Variants in CLSTN3 observed in about 807,000 individuals in gnomAD.
CLSTN3 encodes the protein calsyntenin 3.
A neutral mutation model predicts 95.9 loss-of-function variants in CLSTN3; 36 were observed. The observed-to-expected ratio is 0.38, with a 90% CI of 0.29 to 0.50. The LOEUF is 0.50. Ranked by LOEUF, CLSTN3 falls within the 20% of genes least tolerant of loss-of-function variation. The pLI is 0.95. For missense variants in CLSTN3, 1,084 were observed against 1,268.8 expected (o/e 0.85, Z 2.21); for synonymous variants, 481 against 504.0 (o/e 0.95, Z 0.61).
rs1440037081 is a variant in CLSTN3, at chr12:7,137,307, A to C, written c.1210+197A>C. The C allele has an allele frequency of 1.7e-6, 1 of 599,880 alleles. No homozygotes were observed. Among genetic ancestry groups the C allele is most frequent in the Non-Finnish European group, 2.9e-6 (1 of 343,734 alleles). 37.2% of individuals were successfully genotyped at this position (599,880 alleles called of 1,614,324 possible). Reference sequence around the variant, plus strand: ...TTGGATCGTACTGCTGTCAGAGTGCAATGGGATTCCTTGCTGCTACTCTTG... The same window carrying C: ...TTGGATCGTACTGCTGTCAGAGTGCCATGGGATTCCTTGCTGCTACTCTTG... On this transcript the variant is annotated intron_variant, in intron 7 of 17. Coordinates refer to ENST00000266546, the MANE Select transcript of CLSTN3 (RefSeq NM_014718.4). The surrounding 1 kb of genome is among the most constrained non-coding windows in gnomAD (Gnocchi z 4.4).
At chr12:7,152,039 G>A (rs1229318475) in intron 16 of CLSTN3, among the ~76,000 whole-genome samples, 1 of 144,258 alleles carries the variant, frequency 6.9e-6, no homozygotes, top group African/African-American at 2.6e-5. Context: ...GGGAGACAGA[G>A]CAAGGCTCTG....
Position 7,158,227 on chromosome 12 carries a change from C to CGGACTCCAGA in CLSTN3, c.*148_*149insACTCCAGAGG. ...TCCTCCTTTCATTTCAAAACCCCAG[C>CGGACTCCAGA]GGGCCCTCTGGAGTCCGCCCTGCCC... On this transcript the variant is annotated 3_prime_UTR_variant, in exon 18 of 18. Coordinates refer to ENST00000266546, the MANE Select transcript of CLSTN3 (RefSeq NM_014718.4). 5 of 1,059,820 alleles carry CGGACTCCAGA rather than the reference C, an allele frequency of 4.7e-6. No individual in the cohort carries two copies. Among genetic ancestry groups the CGGACTCCAGA allele is most frequent in the Non-Finnish European group, 6.5e-6 (5 of 770,232 alleles). The allele number at this position is 1,059,820 out of a possible 1,614,324, so 65.7% of individuals were successfully genotyped here.
rs984704435 is a variant in CLSTN3, at chr12:7,137,289, G to A, written c.1210+179G>A. 6 of 635,750 alleles carry A rather than the reference G, an allele frequency of 9.4e-6. No individual in the cohort carries two copies. Among genetic ancestry groups the A allele is most frequent in the South Asian group, 4.0e-5 (2 of 49,828 alleles). 39.4% of individuals were successfully genotyped at this position (635,750 alleles called of 1,614,324 possible). On this transcript the variant is annotated intron_variant, in intron 7 of 17. Coordinates refer to ENST00000266546, the MANE Select transcript of CLSTN3 (RefSeq NM_014718.4). This position sits in a 1 kb window ranked among gnomAD's most constrained non-coding sequence, Gnocchi z 4.4. ...TATCCCCAACATGACATGTTGGATC[G>A]TACTGCTGTCAGAGTGCAATGGGAT...
At chr12:7,156,220 G>A (rs1250131619) in intron 16 of CLSTN3, 2 of 454,518 alleles carry the variant, frequency 4.4e-6, no homozygotes, top group African/African-American at 2.0e-5. Context: ...GGGGAGTAGT[G>A]ACCCAGCTGC....
At position 7,136,844 on chromosome 12, in the gene CLSTN3, A is replaced by T. The variant is rs778088083; in HGVS notation, c.944A>T (p.Glu315Val). 3.1e-6 allele frequency: 5 copies of T among 1,613,532 alleles called. No homozygotes were observed. Among genetic ancestry groups the T allele is most frequent in the Non-Finnish European group, 4.2e-6 (5 of 1,179,826 alleles). Residue 315 changes from glutamate to valine, a missense_variant, in exon 7 of 18, where the codon GAG becomes GTG. Physicochemically the swap from Glu to Val is moderately radical, Grantham distance 121. Transcript: ENST00000266546. ...LRKLCGAATG[E>V]VDLLPMPGPN... The stretch of plus-strand genomic sequence containing the variant: ...GCTCCCACAGGTGCTGCCACTGGGG[A>T]GGTGGATCTGTTGCCCATGCCTGGC...
chr12:7,150,339 C>T lies in CLSTN3; in HGVS notation c.2246-205C>T, dbSNP rs997278923. ...GAACCTACAGAGCAGGAAATGGAGC[C>T]TTGATCTCTCCATCCTAGTTAGTCA... On this transcript the variant is annotated intron_variant, in intron 14 of 17. Coordinates refer to ENST00000266546, the MANE Select transcript of CLSTN3 (RefSeq NM_014718.4). This position sits in a 1 kb window ranked among gnomAD's most constrained non-coding sequence, Gnocchi z 4.0. Among the ~76,000 whole-genome samples, 1 of 152,188 alleles carries T rather than the reference C, an allele frequency of 6.6e-6. No homozygotes were observed. Among genetic ancestry groups the T allele is most frequent in the African/African-American group, 2.4e-5 (1 of 41,442 alleles).
chr12:7,146,366 T>C (rs1330573981), intron 12 of CLSTN3, among the ~76,000 whole-genome samples: 2 of 152,090 alleles, frequency 1.3e-5, no homozygotes, highest in East Asian at 3.9e-4. Flanking sequence ...CACCACTGCA[T>C]TCCAGCCTGG....
chr12:7,152,865 A>G (rs1294280609), intron 16 of CLSTN3, among the ~76,000 whole-genome samples: 6 of 152,208 alleles, frequency 3.9e-5, no homozygotes, highest in African/African-American at 1.4e-4. Flanking sequence ...TAAATCCAGG[A>G]GGCATGATTC....
In CLSTN3 at chr12:7,133,815, C is replaced by G. The variant is rs1226606976; in HGVS notation, c.383+47C>G. 1 of 1,463,132 alleles carries G rather than the reference C, an allele frequency of 6.8e-7. No homozygotes were observed. The highest frequency in any genetic ancestry group is 2.3e-5 in the East Asian group (1 of 43,670). 90.6% of individuals were successfully genotyped at this position (1,463,132 alleles called of 1,614,324 possible). On this transcript the variant is annotated intron_variant, in intron 3 of 17. Coordinates refer to ENST00000266546, the MANE Select transcript of CLSTN3 (RefSeq NM_014718.4). The surrounding 1 kb of genome is among the most constrained non-coding windows in gnomAD (Gnocchi z 4.7). Reference sequence around the variant, plus strand: ...GCCCCATGTGTTGCAGGGTCCTCCTCCCTGCTCCCAAGCCCACCATCCTCT... The same window carrying G: ...GCCCCATGTGTTGCAGGGTCCTCCTGCCTGCTCCCAAGCCCACCATCCTCT...
chr12:7,148,968 A>G lies in CLSTN3; in HGVS notation c.1848-4A>G. ...CATGCTGCTTCTCCTGCTTTCTTAC[A>G]TAGGTGCTTCAGCGAAGAGTCCTGC... On this transcript the variant is annotated splice_region_variant and splice_polypyrimidine_tract_variant and intron_variant, in intron 12 of 17. Transcript: ENST00000266546. 6.2e-7 allele frequency: 1 copy of G among 1,613,472 alleles called. No individual in the cohort carries two copies. The highest frequency in any genetic ancestry group is 8.5e-7 in the Non-Finnish European group (1 of 1,179,480).
chr12:7,156,934 G>T (rs1250176408), intron 16 of CLSTN3: 3 of 429,660 alleles, frequency 7.0e-6, no homozygotes, highest in South Asian at 5.1e-5. Context: ...GTCCAGGTGG[G>T]TAAGGGAAGG....
intron 1 of CLSTN3, among the ~76,000 whole-genome samples, chr12:7,131,623 G>A (rs1939303016): frequency 6.6e-6 from 1 of 152,112 alleles, no homozygotes; most frequent in Non-Finnish European, 1.5e-5. Context: ...CAGGAGGAGA[G>A]GAGACAGAGG....
Position 7,133,223 on chromosome 12 carries a change from G to A in CLSTN3, c.187+77G>A. On this transcript the variant is annotated intron_variant, in intron 2 of 17. Coordinates refer to ENST00000266546, the MANE Select transcript of CLSTN3 (RefSeq NM_014718.4). The surrounding 1 kb of genome is among the most constrained non-coding windows in gnomAD (Gnocchi z 4.7). ...GGGAGGGCCAAGAGCAAGGGAGGGA[G>A]GGAAGGTCCTGGGAGTGATGAGAAA... 1.9e-6 allele frequency: 3 copies of A among 1,542,688 alleles called. No individual in the cohort carries two copies. The highest frequency in any genetic ancestry group is 2.3e-5 in the East Asian group (1 of 44,388).
rs1181638108 is a variant in CLSTN3 at position 7,143,205 on chromosome 12, G to A, written c.1741G>A (p.Asp581Asn). 2 of 1,614,024 alleles carry A rather than the reference G, an allele frequency of 1.2e-6. No homozygotes were observed. Among genetic ancestry groups the A allele is most frequent in the Non-Finnish European group, 1.7e-6 (2 of 1,180,034 alleles). ...PSQSLLTLEG[D>N]DVETFNHALQ... ...ACAGTCCCTGCTCACCCTGGAGGGG[G>A]ATGATGTGGAGACCTTCAACCATGC... The change falls in exon 12 of 18, where the codon GAT becomes AAT. Residue 581 changes from aspartate to asparagine, a missense_variant. Asp to Asn is a conservative substitution (Grantham distance 23). Transcript: ENST00000266546.
chr12:7,158,022 G>A lies in CLSTN3; in HGVS notation c.2812G>A (p.Ala938Thr). Reference sequence around the variant, plus strand: ...TGAGGACAGCAGTGACTCGGAGGTGGCCGATTCCCCCAGCAGCGACGAGAG... The same window carrying A: ...TGAGGACAGCAGTGACTCGGAGGTGACCGATTCCCCCAGCAGCGACGAGAG... ...EDEDSSDSEVADSPSSDERRI... is the reference protein window; with the variant it reads ...EDEDSSDSEVTDSPSSDERRI... The change falls in exon 18 of 18, where the codon GCC becomes ACC. Residue 938 changes from alanine (A) to threonine (T), a missense_variant. Ala to Thr is a moderately conservative substitution (Grantham distance 58). Transcript: ENST00000266546. 6.4e-7 allele frequency: 1 copy of A among 1,550,736 alleles called. No homozygotes were observed. Among genetic ancestry groups the A allele is most frequent in the Non-Finnish European group, 8.7e-7 (1 of 1,146,518 alleles).
chr12:7,154,314 A>C (rs1939781003), intron 16 of CLSTN3, among the ~76,000 whole-genome samples: 1 of 152,222 alleles, frequency 6.6e-6, no homozygotes, highest in African/African-American at 2.4e-5. Flanking sequence ...ACGGAGGCCC[A>C]TTGCTCTAAA....
intron 16 of CLSTN3, chr12:7,155,936 C>T (rs1454309609): frequency 7.4e-6 from 2 of 270,688 alleles, no homozygotes; most frequent in Non-Finnish European, 1.5e-5. Context: ...GGGAGAGGGG[C>T]GCTGCAGCAG....
chr12:7,137,821 AGG>A lies in CLSTN3; in HGVS notation c.1211-133_1211-132del. ...GAGAGAGAGAGAGAGAGAGAGAGAG[AGG>A]AAAGAAAAATGCTAGAGAACGAGGG... is the stretch of plus-strand genomic sequence containing the variant. On this transcript the variant is annotated intron_variant, in intron 7 of 17. Coordinates refer to ENST00000266546, the MANE Select transcript of CLSTN3 (RefSeq NM_014718.4). The surrounding 1 kb of genome is among the most constrained non-coding windows in gnomAD (Gnocchi z 4.4). 1 of 586,250 alleles carries A rather than the reference AGG, an allele frequency of 1.7e-6. No homozygotes were observed. Among genetic ancestry groups the A allele is most frequent in the Non-Finnish European group, 3.1e-6 (1 of 326,712 alleles). 36.3% of individuals were successfully genotyped at this position (586,250 alleles called of 1,614,324 possible).
At chr12:7,145,561 G>T (rs1939610396) in intron 12 of CLSTN3, among the ~76,000 whole-genome samples, 2 of 142,262 alleles carry the variant, frequency 1.4e-5, no homozygotes, top group South Asian at 2.3e-4. Flanking sequence ...TTTTCCTGAA[G>T]TTTTTTTTTT....
Sources: gnomAD v4.1 joint callset for allele counts (sites outside exome capture counted in the v4.1 genomes callset) on GRCh38, gnomAD v4.1.1 for gene constraint, Gnocchi (gnomAD v3.1) non-coding constraint, MANE v1.5 for transcripts, NCBI Gene and HGNC (gene_info 2026-07-23, HGNC 2026-07-21) for gene names.